The following ZFHX3 variants were observed in gnomAD, a reference collection of about 807,000 sequenced individuals.
ZFHX3 encodes the protein zinc finger homeobox 3.
Under a neutral mutation model 279.1 loss-of-function variants are expected in ZFHX3, and 42 were observed. The observed-to-expected ratio is 0.15, with a 90% confidence interval of 0.12 to 0.19. The LOEUF is 0.19. Ranked by LOEUF, ZFHX3 falls within the 10% of genes least tolerant of loss-of-function variation. The pLI is 1.00. For missense variants in ZFHX3, 4,981 were observed against 4,754.0 expected (o/e 1.05, Z -1.40); for synonymous variants, 2,293 against 1,957.8 (o/e 1.17, Z -4.52).
chr16:73,001,615 C>A (rs1190270687), intron 1 of ZFHX3, among the ~76,000 whole-genome samples: 1 of 151,986 alleles, frequency 6.6e-6, no homozygotes, highest in Non-Finnish European at 1.5e-5. Flanking sequence ...AGGTTCAAGA[C>A]CAGCCTGGGC....
At chr16:73,524,869 A>C (rs1056869176) in intron 2 of ZFHX3, among the ~76,000 whole-genome samples, 2 of 152,180 alleles carry the variant, frequency 1.3e-5, no homozygotes, top group African/African-American at 4.8e-5. Flanking sequence ...GGGCAGAATG[A>C]ATATTTGCTC....
At chr16:73,423,178 G>A (rs2017749366) in intron 3 of ZFHX3, among the ~76,000 whole-genome samples, 1 of 152,104 alleles carries the variant, frequency 6.6e-6, no homozygotes, top group Non-Finnish European at 1.5e-5. Flanking sequence ...TGCAGGGGCT[G>A]GGGAGGGACA....
At chr16:73,765,646 A>T (rs2053925746) in intron 1 of ZFHX3, among the ~76,000 whole-genome samples, 1 of 152,222 alleles carries the variant, frequency 6.6e-6, no homozygotes, top group African/African-American at 2.4e-5. Flanking sequence ...TTTTTGGTTC[A>T]AGGCCAGTTA....
At chr16:72,939,892 C>T (rs192911225) in intron 3 of ZFHX3, among the ~76,000 whole-genome samples, 21 of 152,248 alleles carry the variant, frequency 1.4e-4, no homozygotes, top group Non-Finnish European at 2.6e-4. Context: ...ATCCTCCCAC[C>T]GCAGCCCTCT....
chr16:73,566,679 C>T (rs1250939687), intron 2 of ZFHX3, among the ~76,000 whole-genome samples: 2 of 150,130 alleles, frequency 1.3e-5, no homozygotes, highest in Admixed American at 6.6e-5. Context: ...GACCATCACA[C>T]CAAGCTAACT....
chr16:73,473,339 C>CAAAAAAAAAAAA (rs11347779), intron 2 of ZFHX3, among the ~76,000 whole-genome samples: 137 of 76,668 alleles, frequency 1.8e-3, no homozygotes, highest in African/African-American at 7.0e-3. Flanking sequence ...TGTCTCAAAG[C>CAAAAAAAAAAAA]AAAAAAAAAA....
At chr16:73,497,610 T>C (rs59744810) in intron 2 of ZFHX3, among the ~76,000 whole-genome samples, 2,170 of 152,092 alleles carry the variant, frequency 0.014, 60 homozygotes, top group African/African-American at 0.048. Flanking sequence ...GTCGAGACTG[T>C]AGTGGACAAT....
chr16:73,335,818 T>A (rs1336790488), intron 3 of ZFHX3, among the ~76,000 whole-genome samples: 1 of 152,222 alleles, frequency 6.6e-6, no homozygotes, highest in Non-Finnish European at 1.5e-5. Flanking sequence ...GAAGCAAAAC[T>A]GCATTTCATT....
At chr16:73,517,062 AT>A (rs1216283021) in intron 2 of ZFHX3, among the ~76,000 whole-genome samples, 1 of 147,548 alleles carries the variant, frequency 6.8e-6, no homozygotes, top group Non-Finnish European at 1.5e-5. Context: ...TGAAGTCTTC[AT>A]CCCCCCATAA....
At chr16:72,937,454 G>A (rs1567593539) in intron 3 of ZFHX3, among the ~76,000 whole-genome samples, 2 of 152,228 alleles carry the variant, frequency 1.3e-5, no homozygotes, top group Non-Finnish European at 2.9e-5. Flanking sequence ...AACCACTGGC[G>A]ACCTGTCCTA....
chr16:73,009,880 G>T (rs1963850858), intron 1 of ZFHX3, among the ~76,000 whole-genome samples: 1 of 152,096 alleles, frequency 6.6e-6, no homozygotes, highest in South Asian at 2.1e-4. Flanking sequence ...AATTAGCAGG[G>T]TGTGGTGGCG....
chr16:73,351,659 T>A (rs944405499), intron 3 of ZFHX3, among the ~76,000 whole-genome samples: 1 of 152,242 alleles, frequency 6.6e-6, no homozygotes, highest in Admixed American at 6.5e-5. Flanking sequence ...GTTTGATAGG[T>A]GAATTCAATT....
At chr16:73,631,915 TCTCTCTCTCTCTCACACA>T (rs1018158057) in intron 2 of ZFHX3, among the ~76,000 whole-genome samples, 1 of 107,642 alleles carries the variant, frequency 9.3e-6, no homozygotes, top group Non-Finnish European at 1.9e-5. Context: ...TCTCTCTCTC[TCTCTCTCTCTCTCACACA>T]CACACACACA....
chr16:73,229,878 A>T (rs1306801357), intron 5 of ZFHX3, among the ~76,000 whole-genome samples: 14 of 152,236 alleles, frequency 9.2e-5, no homozygotes, highest in Non-Finnish European at 1.9e-4. Context: ...TGAATCTAGG[A>T]TTCTGCTAAG....
chr16:73,733,269 T>C (rs1463004262), intron 1 of ZFHX3, among the ~76,000 whole-genome samples: 1 of 152,184 alleles, frequency 6.6e-6, no homozygotes, highest in Non-Finnish European at 1.5e-5. Flanking sequence ...TATTATCTTC[T>C]ACTAAAAAAT....
chr16:73,786,302 G>T (rs1290925640), intron 1 of ZFHX3, among the ~76,000 whole-genome samples: 1 of 151,904 alleles, frequency 6.6e-6, no homozygotes, highest in Admixed American at 6.6e-5. Flanking sequence ...TTTCCTCTGA[G>T]TTCATTTTTC....
chr16:73,595,424 T>G (rs1308180690), intron 2 of ZFHX3, among the ~76,000 whole-genome samples: 2 of 152,190 alleles, frequency 1.3e-5, no homozygotes, highest in Non-Finnish European at 2.9e-5. Context: ...ATTCCCTTCC[T>G]GAAACAGTAT....
chr16:73,516,609 A>C (rs887929004), intron 2 of ZFHX3, among the ~76,000 whole-genome samples: 3 of 152,156 alleles, frequency 2.0e-5, no homozygotes, highest in African/African-American at 4.8e-5. Context: ...AGGTATTTTC[A>C]TGTGAGAATT....
intron 8 of ZFHX3, among the ~76,000 whole-genome samples, chr16:73,085,083 C>G (rs1237520380): frequency 6.6e-6 from 1 of 152,008 alleles, no homozygotes; most frequent in Non-Finnish European, 1.5e-5. Context: ...AATAGCAAAG[C>G]AAACATGAAC....
Sources: gnomAD v4.1 joint callset for allele counts (sites outside exome capture counted in the v4.1 genomes callset) on GRCh38, gnomAD v4.1.1 for gene constraint, MANE v1.5 for transcripts, NCBI Gene and HGNC (gene_info 2026-07-23, HGNC 2026-07-21) for gene names.